The following COMT variants were observed in gnomAD, a reference collection of about 807,000 sequenced individuals.
COMT encodes the protein catechol-O-methyltransferase, also known as catechol O-methyltransferase.
A neutral mutation model predicts 18.9 loss-of-function variants in COMT; 13 were observed. The ratio of observed to expected loss-of-function variants is 0.69; its 90% CI spans 0.45 to 1.09. The LOEUF (loss-of-function observed/expected upper bound fraction) is 1.09, where lower values mean the gene tolerates loss of function less well. Among genes scored for constraint, COMT ranks in the 50% least tolerant of loss-of-function variants. The pLI is 0.00. For missense variants in COMT, 329 were observed against 361.8 expected (o/e 0.91, Z 0.73); for synonymous variants, 150 against 160.9 (o/e 0.93, Z 0.51).
intron 1 of COMT, 129 bp downstream of exon 1, chr22:19,942,026 G>A: frequency 6.9e-6 from 3 of 434,572 alleles, no homozygotes; most frequent in South Asian, 4.9e-5. Context: ...ACGTTGGGTG[G>A]GAGTCTCCGG....
chr22:19,967,121 C>G, intron 5 of COMT: 1 of 1,290,468 alleles, frequency 7.7e-7, no homozygotes, highest in African/African-American at 1.5e-5. Context: ...GACCCATGCT[C>G]CTTTCTGCCC....
At chr22:19,950,573 C>T (rs1446368236) in intron 1 of COMT, among the ~76,000 whole-genome samples, 5 of 151,752 alleles carry the variant, frequency 3.3e-5, no homozygotes, top group Non-Finnish European at 5.9e-5. Flanking sequence ...TGAGGCACTG[C>T]GAGCCCCTGA....
intron 1 of COMT, chr22:19,951,080 G>GC (rs1941923601): frequency 6.6e-6 from 1 of 152,146 alleles, no homozygotes; most frequent in Non-Finnish European, 1.5e-5. Context: ...GAAGCCTGGG[G>GC]CGGGCGCGGT....
At chr22:19,945,207 C>G (rs1392365145) in intron 1 of COMT, among the ~76,000 whole-genome samples, 6 of 152,144 alleles carry the variant, frequency 3.9e-5, no homozygotes, top group African/African-American at 1.4e-4. Context: ...CCTCTCTTCT[C>G]GAGGTCCCTG....
intron 1 of COMT, among the ~76,000 whole-genome samples, chr22:19,948,832 G>T (rs889677307): frequency 6.6e-6 from 1 of 151,828 alleles, no homozygotes; most frequent in Non-Finnish European, 1.5e-5. Flanking sequence ...CCATGTGCCT[G>T]TGGTCCCAGC....
chr22:19,964,323 C>T, intron 5 of COMT, 24 bp downstream of exon 5: 1 of 1,613,752 alleles, frequency 6.2e-7, no homozygotes. Flanking sequence ...AGGATGGCAT[C>T]CGTGCCAGCT....
At chr22:19,950,134 A>G (rs1007651764) in intron 1 of COMT, among the ~76,000 whole-genome samples, 1 of 151,718 alleles carries the variant, frequency 6.6e-6, no homozygotes, top group African/African-American at 2.4e-5. Context: ...TTAGGCCAAT[A>G]TATTATCAAA....
At position 19,964,282 on chromosome 22, in the gene COMT, G is replaced by A. The variant is rs1287503209; in HGVS notation, c.598G>A (p.Asp200Asn). 1 of 1,614,030 alleles carries A rather than the reference G, an allele frequency of 6.2e-7. No homozygotes were observed. Among genetic ancestry groups the A allele is most frequent in the Non-Finnish European group, 8.5e-7 (1 of 1,180,040 alleles). ...LDHWKDRYLP[D>N]TLLLEECGLL... ...CCACTGGAAGGACCGGTACCTGCCGGACACGCTTCTCTTGGAGGTGAGCCC... is the reference window on the plus strand; with the variant it reads ...CCACTGGAAGGACCGGTACCTGCCGAACACGCTTCTCTTGGAGGTGAGCCC... Residue 200 changes from aspartate to asparagine, a missense_variant, in exon 5 of 6, where the codon GAC (aspartate) becomes AAC (asparagine). Physicochemically the swap from Asp to Asn is conservative, Grantham distance 23. Transcript: ENST00000361682.
intron 1 of COMT, among the ~76,000 whole-genome samples, chr22:19,958,722 CAA>C (rs361549): frequency 9.2e-5 from 8 of 87,226 alleles, no homozygotes; most frequent in Non-Finnish European, 1.1e-4. Context: ...CCATCTCTAC[CAA>C]AAAAAAAAAA....
In COMT at chr22:19,962,581, C is replaced by T. The variant is rs1942218865; in HGVS notation, c.55C>T (p.Leu19=). The change falls in exon 3 of 6, where the codon CTG becomes TTG. Residue 19 remains leucine, a synonymous_variant. Transcript: ENST00000361682. ...LAAVLLGLVL[L]VVLLLLLRHW... is the part of the protein sequence containing the mutation. The stretch of plus-strand genomic sequence containing the variant: ...AGCTGTGTTGCTGGGCCTGGTGCTG[C>T]TGGTGGTGCTGCTGCTGCTTCTGAG... 1 of 1,553,656 alleles carries T rather than the reference C, an allele frequency of 6.4e-7. No homozygotes were observed. Among genetic ancestry groups the T allele is most frequent in the South Asian group, 1.2e-5 (1 of 86,358 alleles).
chr22:19,957,047 T>C (rs1023323043), intron 1 of COMT, among the ~76,000 whole-genome samples: 1 of 147,468 alleles, frequency 6.8e-6, no homozygotes, highest in Non-Finnish European at 1.5e-5. Flanking sequence ...GCCTCTGGGG[T>C]TCACGCCATT....
intron 1 of COMT, among the ~76,000 whole-genome samples, chr22:19,960,488 C>T (rs2045289505): frequency 6.6e-6 from 1 of 152,244 alleles, no homozygotes; most frequent in African/African-American, 2.4e-5. Context: ...AATAAGGACA[C>T]TGTCCTTAGG....
At chr22:19,952,036 A>G (rs1440873124) in intron 1 of COMT, among the ~76,000 whole-genome samples, 1 of 152,236 alleles carries the variant, frequency 6.6e-6, no homozygotes, top group Non-Finnish European at 1.5e-5. Flanking sequence ...AGTATGGCTT[A>G]CACCTGTAAT....
intron 1 of COMT, among the ~76,000 whole-genome samples, chr22:19,955,400 T>C (rs1200709453): frequency 6.6e-6 from 1 of 152,236 alleles, no homozygotes; most frequent in Non-Finnish European, 1.5e-5. Flanking sequence ...GTACTGGCTC[T>C]CCCTGGATTA....
Position 19,941,876 on chromosome 22 carries a change from C to G in COMT, c.-113C>G, listed in dbSNP as rs1195709784. Reference sequence around the variant, plus strand: ...CGCCGGACCGGGGCGGGTCCAGTCCCGGGCGGGCCGTCGCGGGAGAGGTGA... The same window carrying G: ...CGCCGGACCGGGGCGGGTCCAGTCCGGGGCGGGCCGTCGCGGGAGAGGTGA... On this transcript the variant is annotated 5_prime_UTR_variant, in exon 1 of 6. Coordinates refer to ENST00000361682, the MANE Select transcript of COMT (RefSeq NM_000754.4). The G allele has an allele frequency of 2.2e-6, 3 of 1,388,666 alleles. No individual in the cohort carries two copies. The highest frequency in any genetic ancestry group is 3.0e-5 in the East Asian group (1 of 32,850). 86.0% of individuals were successfully genotyped at this position (1,388,666 alleles called of 1,614,324 possible).
At chr22:19,957,451 C>G (rs1483467997) in intron 1 of COMT, among the ~76,000 whole-genome samples, 1 of 152,170 alleles carries the variant, frequency 6.6e-6, no homozygotes. Flanking sequence ...TGAATGTCAT[C>G]TAGGGTGTGT....
chr22:19,954,052 T>C (rs1942006533), intron 1 of COMT, among the ~76,000 whole-genome samples: 1 of 152,138 alleles, frequency 6.6e-6, no homozygotes, highest in African/African-American at 2.4e-5. Context: ...CCTGGGGCTG[T>C]GAATCTGCAG....
rs1209308188 is a variant in COMT at position 19,962,796 on chromosome 22, G to GA, written c.272dup (p.Asn91LysfsTer91). 6.2e-7 allele frequency: 1 copy of GA among 1,605,414 alleles called. No individual in the cohort carries two copies. Among genetic ancestry groups the GA allele is most frequent in the East Asian group, 2.2e-5 (1 of 44,664 alleles). On this transcript the variant is annotated frameshift_variant, in exon 3 of 6. Transcript: ENST00000361682. LOFTEE classifies it high-confidence loss of function. ...ACTGCGAGCAGAAGGAGTGGGCCAT[G>GA]AACGTGGGCGACAAGAAAGGTGGGG... is the stretch of plus-strand genomic sequence containing the variant.
intron 1 of COMT, among the ~76,000 whole-genome samples, chr22:19,957,905 T>C (rs1942099885): frequency 6.6e-6 from 1 of 152,212 alleles, no homozygotes; most frequent in African/African-American, 2.4e-5. Context: ...TCATACCTCA[T>C]TGTATGGCTC....
Sources: gnomAD v4.1 joint callset for allele counts (sites outside exome capture counted in the v4.1 genomes callset) on GRCh38, gnomAD v4.1.1 for gene constraint, MANE v1.5 for transcripts, NCBI Gene and HGNC (gene_info 2026-07-23, HGNC 2026-07-21) for gene names.